ZNF627: variants seen among roughly 807,000 people sequenced by gnomAD.
ZNF627 encodes the protein zinc finger protein 627.
A neutral mutation model predicts 10.6 loss-of-function variants in ZNF627; 12 were observed. The observed-to-expected ratio is 1.13, with a 90% CI of 0.73 to 1.84. ZNF627 has a LOEUF of 1.84. Among genes scored for constraint, ZNF627 ranks in the 40% most tolerant of loss-of-function variants. ZNF627 has a pLI of 0.00. For missense variants in ZNF627, 504 were observed against 568.4 expected (o/e 0.89, Z 1.15); for synonymous variants, 176 against 187.1 (o/e 0.94, Z 0.48).
chr19:11,598,256 G>A (rs1213521969), intron 1 of ZNF627, among the ~76,000 whole-genome samples: 1 of 152,120 alleles, frequency 6.6e-6, no homozygotes, highest in Non-Finnish European at 1.5e-5. Context: ...TTTGAGGCTG[G>A]AGCGCGGTGG....
intron 1 of ZNF627, among the ~76,000 whole-genome samples, chr19:11,598,208 T>TTTA (rs1973525625): frequency 6.6e-6 from 1 of 152,112 alleles, no homozygotes; most frequent in Non-Finnish European, 1.5e-5. Flanking sequence ...AACCCTAAAT[T>TTTA]TTATTTCCTT....
chr19:11,616,123 T>A (rs1265289731), intron 3 of ZNF627, among the ~76,000 whole-genome samples: 1 of 144,814 alleles, frequency 6.9e-6, no homozygotes, highest in Non-Finnish European at 1.5e-5. Context: ...ACTGCACCTC[T>A]GCCTCCTGGG....
chr19:11,615,191 C>T (rs1016158000), intron 3 of ZNF627, among the ~76,000 whole-genome samples: 87 of 141,506 alleles, frequency 6.1e-4, no homozygotes, highest in Non-Finnish European at 1.1e-3. Flanking sequence ...CGTGATCTGC[C>T]TGCCTCAGCC....
At chr19:11,603,261 A>G (rs1316156837) in intron 1 of ZNF627, among the ~76,000 whole-genome samples, 1 of 148,002 alleles carries the variant, frequency 6.8e-6, no homozygotes, top group Non-Finnish European at 1.5e-5. Flanking sequence ...TGTATTTTGT[A>G]CGACATCTTG....
At chr19:11,602,310 A>G (rs1973599869) in intron 1 of ZNF627, among the ~76,000 whole-genome samples, 1 of 152,224 alleles carries the variant, frequency 6.6e-6, no homozygotes, top group Non-Finnish European at 1.5e-5. Flanking sequence ...AGAGCTGTTC[A>G]GCTAATCAAT....
intron 1 of ZNF627, among the ~76,000 whole-genome samples, chr19:11,600,821 G>A (rs1259121181): frequency 2.0e-5 from 3 of 152,136 alleles, no homozygotes; most frequent in African/African-American, 7.2e-5. Context: ...ATATGATTTA[G>A]TACATGATTT....
Position 11,614,560 on chromosome 19 carries a change from T to C in ZNF627, c.37T>C (p.Phe13Leu), listed in dbSNP as rs778803276. Reference protein sequence around the residue: ...SVAFEDVAVNFTLEEWALLDP... With the variant: ...SVAFEDVAVNLTLEEWALLDP... ...GGCCTTTGAGGATGTGGCTGTGAAC[T>C]TCACCCTGGAGGAGTGGGCTTTGCT... The change falls in exon 2 of 4, where the codon TTC becomes CTC. Residue 13 changes from phenylalanine to leucine, a missense_variant. By Grantham distance (22) the Phe-to-Leu change is conservative. Transcript: ENST00000361113. The C allele has an allele frequency of 1.2e-6, 2 of 1,613,908 alleles. No individual in the cohort carries two copies. Among genetic ancestry groups the C allele is most frequent in the South Asian group, 1.1e-5 (1 of 91,082 alleles).
chr19:11,611,480 G>A (rs1973771111), intron 1 of ZNF627, among the ~76,000 whole-genome samples: 1 of 152,154 alleles, frequency 6.6e-6, no homozygotes, highest in African/African-American at 2.4e-5. Context: ...TAATTTTGAT[G>A]AAATAAAATT....
At chr19:11,616,329 A>C (rs1048067558) in intron 3 of ZNF627, among the ~76,000 whole-genome samples, 4 of 152,164 alleles carry the variant, frequency 2.6e-5, no homozygotes, top group African/African-American at 9.7e-5. Context: ...TACAGGCATA[A>C]GCTACTGCGT....
At position 11,617,619 on chromosome 19, in the gene ZNF627, C is replaced by A; in HGVS notation, c.1116C>A (p.Phe372Leu). ...PYDCKQCGKA[F>L]SCSSSFRKHE... ...ATTGTAAGCAATGTGGGAAAGCCTTCAGTTGTTCCAGTTCGTTTCGAAAAC... is the reference window on the plus strand; with the variant it reads ...ATTGTAAGCAATGTGGGAAAGCCTTAAGTTGTTCCAGTTCGTTTCGAAAAC... The change falls in exon 4 of 4, where the codon TTC becomes TTA. Residue 372 changes from phenylalanine to leucine, a missense_variant. Physicochemically the swap from Phe to Leu is conservative, Grantham distance 22 (BLOSUM62 0). Transcript: ENST00000361113. The A allele has an allele frequency of 6.2e-7, 1 of 1,613,728 alleles. No homozygotes were observed. The highest frequency in any genetic ancestry group is 8.5e-7 in the Non-Finnish European group (1 of 1,179,920).
intron 1 of ZNF627, among the ~76,000 whole-genome samples, chr19:11,603,835 T>G (rs936391451): frequency 2.6e-5 from 4 of 151,976 alleles, no homozygotes; most frequent in African/African-American, 7.3e-5. Context: ...AGAGACGAAG[T>G]CTTGCTCTGT....
chr19:11,605,341 T>G (rs1002520642), intron 1 of ZNF627, among the ~76,000 whole-genome samples: 4 of 152,016 alleles, frequency 2.6e-5, no homozygotes, highest in Admixed American at 2.0e-4. Context: ...GTGCCCAGCC[T>G]CTTCAGCCTA....
chr19:11,617,353 T>C lies in ZNF627; in HGVS notation c.850T>C (p.Cys284Arg), dbSNP rs777741311. 2.5e-6 allele frequency: 4 copies of C among 1,613,908 alleles called. No individual in the cohort carries two copies. The East Asian group carries it at 8.9e-5, about 36-fold the overall frequency. Residue 284 changes from cysteine (C) to arginine (R), a missense_variant, in exon 4 of 4, where the codon TGC (cysteine) becomes CGC (arginine). Physicochemically the swap from Cys to Arg is radical, Grantham distance 180 (BLOSUM62 -3). Coordinates refer to ENST00000361113, the MANE Select transcript of ZNF627 (RefSeq NM_145295.4). ...AGAGAAACCCTACGAATGTAAACAG[T>C]GCGGTAAAGCCTTTAGGTGCGCCAG... ...TGEKPYECKQCGKAFRCASSV... is the reference protein window; with the variant it reads ...TGEKPYECKQRGKAFRCASSV...
intron 1 of ZNF627, among the ~76,000 whole-genome samples, chr19:11,609,513 A>G (rs1235621467): frequency 2.4e-5 from 2 of 83,356 alleles, no homozygotes; most frequent in Non-Finnish European, 4.8e-5. Flanking sequence ...ATATATATAT[A>G]TATATGTATT....
Position 11,617,780 on chromosome 19 carries a change from A to G in ZNF627, c.1277A>G (p.Lys426Arg). Residue 426 changes from lysine (K) to arginine (R), a missense_variant, in exon 4 of 4, where the codon AAA becomes AGA. Transcript: ENST00000361113. ...EKPYECKQCG[K>R]AFSRSTYFRV... Reference sequence around the variant, plus strand: ...CCCTATGAATGTAAGCAATGTGGGAAAGCCTTCAGTCGATCCACTTACTTT... The same window carrying G: ...CCCTATGAATGTAAGCAATGTGGGAGAGCCTTCAGTCGATCCACTTACTTT... 3 of 1,613,156 alleles carry G rather than the reference A, an allele frequency of 1.9e-6. No homozygotes were observed. Among genetic ancestry groups the G allele is most frequent in the Non-Finnish European group, 2.5e-6 (3 of 1,179,800 alleles).
rs1168205815 is a variant in ZNF627 at position 11,609,471 on chromosome 19, TTATATATATATA to T, written c.4-5020_4-5009del. Among the ~76,000 whole-genome samples, 213 of 53,976 alleles carry T rather than the reference TTATATATATATA, an allele frequency of 3.9e-3. 2 individuals carry two copies. The highest frequency in any genetic ancestry group is 0.012 in the Middle Eastern group (1 of 84). The allele number at this position is 53,976 out of a possible 152,430, so 35.4% of individuals were successfully genotyped here. A position where few individuals can be genotyped will look rare whatever the true frequency, so the allele number is the denominator to read the frequency against. Reference sequence around the variant, plus strand: ...TTCCTGGGTAGTCTTTTAAAAAATTTTATATATATATATATATATATATATATATATATATAT... The same window carrying T: ...TTCCTGGGTAGTCTTTTAAAAAATTTTATATATATATATATATATATATAT... On this transcript the variant is annotated intron_variant, in intron 1 of 3. Transcript: ENST00000361113.
chr19:11,609,526 T>G (rs1247141102), intron 1 of ZNF627, among the ~76,000 whole-genome samples: 2 of 124,308 alleles, frequency 1.6e-5, no homozygotes, highest in African/African-American at 5.6e-5. Flanking sequence ...TATGTATTTT[T>G]TCCCCCCCGA....
chr19:11,605,331 G>T lies in ZNF627; in HGVS notation c.3+7701G>T, dbSNP rs116509774. The stretch of plus-strand genomic sequence containing the variant: ...TGAACTCCTGACCTCATGAGCCACC[G>T]TGCCCAGCCTCTTCAGCCTAGTTTT... On this transcript the variant is annotated intron_variant, in intron 1 of 3. Coordinates refer to ENST00000361113, the MANE Select transcript of ZNF627 (RefSeq NM_145295.4). Among the ~76,000 whole-genome samples the T allele has an allele frequency of 2.0e-5, 3 of 151,396 alleles. No individual in the cohort carries two copies. The South Asian group carries it at 6.3e-4, about 32-fold the overall frequency.
At position 11,617,340 on chromosome 19, in the gene ZNF627, C is replaced by T. The variant is rs773239474; in HGVS notation, c.837C>T (p.Tyr279=). 5.7e-5 allele frequency: 92 copies of T among 1,612,720 alleles called. No individual in the cohort carries two copies. Among genetic ancestry groups the T allele is most frequent in the Non-Finnish European group, 7.2e-5 (85 of 1,179,688 alleles). Residue 279 remains tyrosine, a synonymous_variant, in exon 4 of 4, where the codon TAC becomes TAT. Transcript: ENST00000361113. ...GAACTCACACAGGAGAGAAACCCTA[C>T]GAATGTAAACAGTGCGGTAAAGCCT... ...HERTHTGEKP[Y]ECKQCGKAFR...
Sources: allele counts gnomAD v4.1 joint callset (sites outside exome capture counted in the v4.1 genomes callset), GRCh38; gene constraint gnomAD v4.1.1; transcripts MANE v1.5; gene names NCBI Gene and HGNC (gene_info 2026-07-23, HGNC 2026-07-21).